Variants in SDCCAG8 observed in about 807,000 individuals in gnomAD.
SDCCAG8 encodes the protein SHH signaling and ciliogenesis regulator SDCCAG8, also known as serologically defined colon cancer antigen 8.
SDCCAG8 carries 74 observed loss-of-function variants against 101.8 expected under a neutral mutation model. That is an observed-to-expected ratio of 0.73 (90% CI 0.60 to 0.88). The LOEUF (loss-of-function observed/expected upper bound fraction) is 0.88, where lower values mean the gene tolerates loss of function less well. Among genes scored for constraint, SDCCAG8 ranks in the 40% least tolerant of loss-of-function variants. The pLI, the probability that SDCCAG8 is intolerant of heterozygous loss-of-function variation, is 0.00. For synonymous variants in SDCCAG8, 281 were observed against 292.9 expected, an observed-to-expected ratio of 0.96 and a Z score of 0.41; for missense variants, 787 against 822.6, an observed-to-expected ratio of 0.96 and a Z score of 0.53.
intron 12 of SDCCAG8, among the ~76,000 whole-genome samples, chr1:243,352,671 A>T (rs547865621): frequency 6.6e-6 from 1 of 152,252 alleles, no homozygotes; most frequent in African/African-American, 2.4e-5. Context: ...ATATGCATAC[A>T]TTTAAAAAAA....
At chr1:243,465,301 C>T (rs537188981) in intron 16 of SDCCAG8, among the ~76,000 whole-genome samples, 25 of 152,322 alleles carry the variant, frequency 1.6e-4, no homozygotes, top group Non-Finnish European at 2.9e-4. Flanking sequence ...GAGAGCTGAC[C>T]AGGCCTTCTG....
intron 1 of SDCCAG8, among the ~76,000 whole-genome samples, chr1:243,256,693 A>G (rs535801022): frequency 1.3e-5 from 2 of 152,370 alleles, no homozygotes; most frequent in East Asian, 1.9e-4. Context: ...TAATTGATTT[A>G]GGCTATTTAC....
At chr1:243,385,293 G>T (rs1404412544) in intron 13 of SDCCAG8, among the ~76,000 whole-genome samples, 1 of 152,150 alleles carries the variant, frequency 6.6e-6, no homozygotes, top group Admixed American at 6.5e-5. Context: ...TGGAGGCTGA[G>T]GTGGGAGGAT....
At chr1:243,432,861 T>A (rs1363095412) in intron 16 of SDCCAG8, among the ~76,000 whole-genome samples, 4 of 152,228 alleles carry the variant, frequency 2.6e-5, no homozygotes, top group African/African-American at 4.8e-5. Flanking sequence ...GAAATGCTTT[T>A]ACTTAAAAAG....
intron 9 of SDCCAG8, among the ~76,000 whole-genome samples, chr1:243,327,370 A>G (rs186759539): frequency 1.4e-5 from 2 of 145,986 alleles, no homozygotes; most frequent in South Asian, 2.1e-4. Context: ...TTATAATTTT[A>G]TAGAAATTAA....
chr1:243,289,103 G>T (rs1387346707), intron 5 of SDCCAG8, among the ~76,000 whole-genome samples: 2 of 151,688 alleles, frequency 1.3e-5, no homozygotes, highest in Non-Finnish European at 2.9e-5. Flanking sequence ...ATATGAAGGG[G>T]GTTTATTAAG....
At chr1:243,487,015 C>G (rs1228343375) in intron 16 of SDCCAG8, among the ~76,000 whole-genome samples, 2 of 152,224 alleles carry the variant, frequency 1.3e-5, no homozygotes, top group Non-Finnish European at 1.5e-5. Context: ...TTCCAGAGCT[C>G]AAGGGCGAAT....
rs533328525 is a variant in SDCCAG8 at position 243,416,965 on chromosome 1, A to G, written c.1745-1003A>G. Reference sequence around the variant, plus strand: ...AAACTTATGCTTAGAGGTAATTTTCATATGATTTAATGTATTAATATATTG... The same window carrying G: ...AAACTTATGCTTAGAGGTAATTTTCGTATGATTTAATGTATTAATATATTG... On this transcript the variant is annotated intron_variant, in intron 14 of 17. Coordinates refer to ENST00000366541, the MANE Select transcript of SDCCAG8 (RefSeq NM_006642.5). The surrounding 1 kb of genome is among the most constrained non-coding windows in gnomAD (Gnocchi z 4.3). Among the ~76,000 whole-genome samples the G allele has an allele frequency of 1.8e-4, 28 of 152,344 alleles. No homozygotes were observed. Among genetic ancestry groups the G allele is most frequent in the African/African-American group, 6.5e-4 (27 of 41,586 alleles).
chr1:243,276,535 T>A (rs1339729999), intron 4 of SDCCAG8, among the ~76,000 whole-genome samples: 6 of 152,156 alleles, frequency 3.9e-5, no homozygotes. Flanking sequence ...ACACATAGAG[T>A]CCTGTATCCT....
intron 13 of SDCCAG8, among the ~76,000 whole-genome samples, chr1:243,413,330 C>T (rs1224445440): frequency 6.6e-6 from 1 of 152,128 alleles, no homozygotes; most frequent in Non-Finnish European, 1.5e-5. Flanking sequence ...CTCAGCCTCC[C>T]AAGTAGCTGG....
intron 10 of SDCCAG8, among the ~76,000 whole-genome samples, chr1:243,333,970 G>T (rs2074813304): frequency 3.3e-5 from 5 of 152,080 alleles, no homozygotes; most frequent in Admixed American, 3.3e-4. Flanking sequence ...TTGATTTCTA[G>T]ATCCTTAACT....
intron 3 of SDCCAG8, among the ~76,000 whole-genome samples, chr1:243,273,726 G>A (rs1162269917): frequency 6.6e-6 from 1 of 152,204 alleles, no homozygotes; most frequent in African/African-American, 2.4e-5. Flanking sequence ...GTTTTAGCTA[G>A]CAAATCCTCT....
At chr1:243,271,364 T>G (rs2068068094) in intron 3 of SDCCAG8, among the ~76,000 whole-genome samples, 1 of 148,702 alleles carries the variant, frequency 6.7e-6, no homozygotes, top group Non-Finnish European at 1.5e-5. Context: ...AATAAATTAA[T>G]ATAATAAATT....
At chr1:243,387,454 A>G (rs1377627715) in intron 13 of SDCCAG8, among the ~76,000 whole-genome samples, 1 of 152,224 alleles carries the variant, frequency 6.6e-6, no homozygotes, top group African/African-American at 2.4e-5. Flanking sequence ...AGAATTTCTC[A>G]GAGCAGGAAT....
intron 1 of SDCCAG8, 50 bp downstream of exon 1, chr1:243,256,290 G>C: frequency 6.6e-7 from 1 of 1,514,178 alleles, no homozygotes; most frequent in Non-Finnish European, 9.2e-7. Context: ...CCAGGGCCTA[G>C]TGGGCGGGAG....
At chr1:243,400,154 G>A (rs1035802933) in intron 13 of SDCCAG8, among the ~76,000 whole-genome samples, 4 of 152,186 alleles carry the variant, frequency 2.6e-5, no homozygotes, top group Admixed American at 1.3e-4. Flanking sequence ...GCTAAACCAG[G>A]TTTCTTGACA....
At chr1:243,485,009 A>C (rs1057081941) in intron 16 of SDCCAG8, among the ~76,000 whole-genome samples, 13 of 151,184 alleles carry the variant, frequency 8.6e-5, no homozygotes, top group Non-Finnish European at 5.9e-5. Context: ...ATGCCACTGC[A>C]CTCCAGCCTG....
intron 16 of SDCCAG8, among the ~76,000 whole-genome samples, chr1:243,467,850 C>T (rs1660442853): frequency 6.6e-6 from 1 of 152,170 alleles, no homozygotes; most frequent in African/African-American, 2.4e-5. Context: ...AGGGAGCACC[C>T]AGTGTTCATA....
At position 243,311,369 on chromosome 1, in the gene SDCCAG8, C is replaced by T. The variant is rs551494637; in HGVS notation, c.929+3192C>T. 3.1e-4 allele frequency among the ~76,000 whole-genome samples: 47 copies of T among 152,126 alleles called. No individual in the cohort carries two copies. The South Asian group carries it at 6.8e-3, about 22-fold the overall frequency. ...TTTAAGTCCATATACAACCATACTA[C>T]ATTTTTCCCCTTCGAGGTTCATAGA... On this transcript the variant is annotated intron_variant, in intron 8 of 17. Transcript: ENST00000366541.
Sources: gnomAD v4.1 joint callset for allele counts (sites outside exome capture counted in the v4.1 genomes callset) on GRCh38, gnomAD v4.1.1 for gene constraint, Gnocchi (gnomAD v3.1) non-coding constraint, MANE v1.5 for transcripts, NCBI Gene and HGNC (gene_info 2026-07-23, HGNC 2026-07-21) for gene names.